Variants in FBXW7 observed in about 807,000 individuals in gnomAD.
FBXW7 encodes the protein F-box and WD repeat domain containing 7.
FBXW7 carries 11 observed loss-of-function variants against 86.3 expected under a neutral mutation model. That is an observed-to-expected ratio of 0.13 (90% CI 0.08 to 0.21). The LOEUF (loss-of-function observed/expected upper bound fraction) is 0.21, where lower values mean the gene tolerates loss of function less well. FBXW7 is among the 10% of genes least tolerant of loss of function. The probability of loss-of-function intolerance (pLI) is 1.00; values close to 1 mark genes in which losing one functional copy is unlikely to be tolerated. For missense variants in FBXW7, 488 were observed against 847.4 expected, an observed-to-expected ratio of 0.58 and a Z score of 5.27; for synonymous variants, 313 against 297.9, an observed-to-expected ratio of 1.05 and a Z score of -0.52.
At chr4:152,373,195 C>G (rs572606437) in intron 4 of FBXW7, among the ~76,000 whole-genome samples, 13 of 152,100 alleles carry the variant, frequency 8.5e-5, no homozygotes, top group African/African-American at 2.6e-4. Flanking sequence ...GGGCAAGAAC[C>G]TTCCTATGCC....
At chr4:152,525,934 TG>T (rs920203763) in intron 2 of FBXW7, among the ~76,000 whole-genome samples, 17 of 152,194 alleles carry the variant, frequency 1.1e-4, no homozygotes, top group African/African-American at 4.1e-4. Context: ...AGTATATAAG[TG>T]TTCCCTTTTC....
At chr4:152,524,503 C>T (rs1301497284) in intron 2 of FBXW7, among the ~76,000 whole-genome samples, 1 of 152,162 alleles carries the variant, frequency 6.6e-6, no homozygotes, top group Non-Finnish European at 1.5e-5. Context: ...GTTTAAAGAA[C>T]CCAAATGTTG....
intron 4 of FBXW7, among the ~76,000 whole-genome samples, chr4:152,408,840 C>T (rs1326661146): frequency 6.6e-6 from 1 of 152,196 alleles, no homozygotes; most frequent in Non-Finnish European, 1.5e-5. Flanking sequence ...TTCGGCCTCT[C>T]TGTAACTTTT....
chr4:152,482,489 TC>T (rs1744970315), intron 2 of FBXW7, among the ~76,000 whole-genome samples: 1 of 152,206 alleles, frequency 6.6e-6, no homozygotes, highest in Admixed American at 6.5e-5. Flanking sequence ...TTGAGTTGGT[TC>T]TTTTTTACAT....
chr4:152,438,260 G>GCCAT (rs1740569205), intron 2 of FBXW7, among the ~76,000 whole-genome samples: 1 of 152,192 alleles, frequency 6.6e-6, no homozygotes, highest in African/African-American at 2.4e-5. Flanking sequence ...AGGCTACAAT[G>GCCAT]CCATGTAAAT....
At chr4:152,395,988 C>T (rs1180245208) in intron 4 of FBXW7, among the ~76,000 whole-genome samples, 1 of 151,970 alleles carries the variant, frequency 6.6e-6, no homozygotes, top group Non-Finnish European at 1.5e-5. Flanking sequence ...AAAAACATGG[C>T]AATATCAAGA....
At chr4:152,345,232 G>A (rs999946599) in intron 6 of FBXW7, among the ~76,000 whole-genome samples, 1 of 151,934 alleles carries the variant, frequency 6.6e-6, no homozygotes, top group African/African-American at 2.4e-5. Context: ...AATTCTGAGG[G>A]TGTGCATAGG....
intron 2 of FBXW7, among the ~76,000 whole-genome samples, chr4:152,416,872 G>A (rs1168745563): frequency 1.3e-5 from 2 of 151,942 alleles, no homozygotes; most frequent in Non-Finnish European, 2.9e-5. Flanking sequence ...TGTGTGATAC[G>A]CCACCACCTG....
intron 6 of FBXW7, 120 bp from the exon 7 acceptor site, chr4:152,338,056 T>C: frequency 1.1e-6 from 1 of 892,544 alleles, no homozygotes; most frequent in Non-Finnish European, 1.5e-6. Flanking sequence ...GTATAAAAAG[T>C]GGCTCCTTAT....
intron 2 of FBXW7, among the ~76,000 whole-genome samples, chr4:152,501,080 A>T (rs962308361): frequency 1.3e-5 from 2 of 152,238 alleles, no homozygotes; most frequent in Non-Finnish European, 2.9e-5. Flanking sequence ...GACATGCAGG[A>T]AGACAAGCTT....
At chr4:152,394,060 A>G (rs1161079889) in intron 4 of FBXW7, among the ~76,000 whole-genome samples, 1 of 152,142 alleles carries the variant, frequency 6.6e-6, no homozygotes. Context: ...AGATACAGCT[A>G]GAAGTTACCC....
chr4:152,505,286 T>C (rs1350433115), intron 2 of FBXW7, among the ~76,000 whole-genome samples: 7 of 152,220 alleles, frequency 4.6e-5, no homozygotes, highest in Admixed American at 3.3e-4. Context: ...TAGGACATTA[T>C]TGTATACTAC....
chr4:152,331,176 G>A (rs60726764), intron 8 of FBXW7, among the ~76,000 whole-genome samples: 11 of 152,058 alleles, frequency 7.2e-5, no homozygotes, highest in African/African-American at 2.4e-4. Flanking sequence ...ATAGTCTGGT[G>A]GTTCCCCAAA....
At chr4:152,483,415 T>C (rs1745065159) in intron 2 of FBXW7, among the ~76,000 whole-genome samples, 1 of 150,844 alleles carries the variant, frequency 6.6e-6, no homozygotes, top group Admixed American at 6.6e-5. Flanking sequence ...AAAAAAAAGC[T>C]TTTTGAGGCT....
intron 2 of FBXW7, among the ~76,000 whole-genome samples, chr4:152,528,410 G>A (rs749864084): frequency 1.2e-4 from 18 of 152,174 alleles, no homozygotes; most frequent in Admixed American, 4.6e-4. Context: ...TCAACTACGT[G>A]CATGGCAGGA....
In FBXW7 at chr4:152,452,530, A is replaced by G. The variant is rs1394942329; in HGVS notation, c.-119-40001T>C. Among the ~76,000 whole-genome samples, 5 of 152,326 alleles carry G rather than the reference A, an allele frequency of 3.3e-5. No individual in the cohort carries two copies. The East Asian group carries it at 7.7e-4, about 23-fold the overall frequency. Reference sequence around the variant, plus strand: ...CAATTGTTATCAGCTGTGTCTCAGAATAGTGTTCAATACTAACATCTTTCT... The same window carrying G: ...CAATTGTTATCAGCTGTGTCTCAGAGTAGTGTTCAATACTAACATCTTTCT... On this transcript the variant is annotated intron_variant, in intron 2 of 13. Transcript: ENST00000281708.
At chr4:152,435,101 G>A (rs1206257916) in intron 2 of FBXW7, among the ~76,000 whole-genome samples, 1 of 140,492 alleles carries the variant, frequency 7.1e-6, no homozygotes, top group Non-Finnish European at 1.6e-5. Context: ...GGGGAGGGGA[G>A]GGGTTTCCAA....
At chr4:152,410,617 C>G (rs532437395) in intron 4 of FBXW7, among the ~76,000 whole-genome samples, 1 of 152,212 alleles carries the variant, frequency 6.6e-6, no homozygotes, top group African/African-American at 2.4e-5. Context: ...CATTCCAAGT[C>G]AAGTTAGGTT....
At chr4:152,425,015 A>C (rs1739258601) in intron 2 of FBXW7, among the ~76,000 whole-genome samples, 1 of 152,196 alleles carries the variant, frequency 6.6e-6, no homozygotes, top group African/African-American at 2.4e-5. Context: ...ATAGGACCCG[A>C]GATTCTGCAT....
Sources: gnomAD v4.1 joint callset for allele counts (sites outside exome capture counted in the v4.1 genomes callset) on GRCh38, gnomAD v4.1.1 for gene constraint, MANE v1.5 for transcripts, NCBI Gene and HGNC (gene_info 2026-07-23, HGNC 2026-07-21) for gene names.